Variants in ELFN1 observed in about 807,000 individuals in gnomAD.
The protein encoded by ELFN1 is extracellular leucine rich repeat and fibronectin type III domain containing 1, also known as protein ELFN1.
In ELFN1, 6 loss-of-function variants were observed where a neutral mutation model predicts 7.6. The ratio of observed to expected loss-of-function variants is 0.79; its 90% CI spans 0.43 to 1.56. ELFN1 has a LOEUF of 1.56. Ranked by LOEUF, ELFN1 falls within the 40% of genes most tolerant of loss-of-function variation. The pLI is 0.01. For missense variants in ELFN1, 1,169 were observed against 1,232.2 expected (o/e 0.95, Z 0.77); for synonymous variants, 657 against 588.1 (o/e 1.12, Z -1.70).
chr7:1,700,680 G>A (rs189303935), intron 2 of ELFN1, among the ~76,000 whole-genome samples: 2 of 152,172 alleles, frequency 1.3e-5, no homozygotes, highest in Admixed American at 6.5e-5. Context: ...AACAGTCGCC[G>A]GCTCTTTCCC....
At chr7:1,719,964 T>C (rs1184547747) in intron 3 of ELFN1, among the ~76,000 whole-genome samples, 7 of 114,988 alleles carry the variant, frequency 6.1e-5, no homozygotes, top group Non-Finnish European at 1.1e-4. Context: ...GGCACTCAGG[T>C]GGGGGCCTCC....
At chr7:1,671,523 G>A (rs899990192) in intron 1 of ELFN1, among the ~76,000 whole-genome samples, 23 of 152,324 alleles carry the variant, frequency 1.5e-4, no homozygotes, top group Middle Eastern at 3.4e-3. Flanking sequence ...TGGAGGGACC[G>A]GGAGCCAGGA....
In ELFN1 at chr7:1,727,797, G is replaced by A. The variant is rs796501169; in HGVS notation, c.-293-16507G>A. ...CTGATTTCTTATTTTTTGCATAGAT[G>A]GGGTCTTGCTTTGTTGCCCAGTCGG... On this transcript the variant is annotated intron_variant, in intron 3 of 3. Coordinates refer to ENST00000424383, the MANE Select transcript of ELFN1 (RefSeq NM_001128636.4). Among the ~76,000 whole-genome samples, 3 of 152,034 alleles carry A rather than the reference G, an allele frequency of 2.0e-5. No homozygotes were observed. The East Asian group carries it at 5.8e-4, about 29-fold the overall frequency.
rs191379206 is a variant in ELFN1, at chr7:1,695,703, G to A, written c.-456+7553G>A. Among the ~76,000 whole-genome samples the A allele has an allele frequency of 2.1e-3, 292 of 142,018 alleles. 1 individual carries two copies. Among genetic ancestry groups the A allele is most frequent in the African/African-American group, 7.2e-3 (269 of 37,476 alleles). 93.2% of individuals were successfully genotyped at this position (142,018 alleles called of 152,430 possible). On this transcript the variant is annotated intron_variant, in intron 2 of 3. Coordinates refer to ENST00000424383, the MANE Select transcript of ELFN1 (RefSeq NM_001128636.4). The surrounding 1 kb of genome is among the most constrained non-coding windows in gnomAD (Gnocchi z 5.1). ...GTGGAGGTTGCAGTGAGCCGAGATC[G>A]CGCCACTGCACTGCAGCCTGGGTGA...
upstream of ELFN1, among the ~76,000 whole-genome samples, chr7:1,669,758 C>A (rs1012084706): frequency 2.6e-5 from 4 of 152,206 alleles, no homozygotes; most frequent in East Asian, 7.7e-4. Context: ...CCCTGCCCTC[C>A]CGGATAAGGG....
intron 2 of ELFN1, among the ~76,000 whole-genome samples, chr7:1,702,563 G>A (rs1779451347): frequency 6.6e-6 from 1 of 151,054 alleles, no homozygotes; most frequent in Non-Finnish European, 1.5e-5. Flanking sequence ...AATGGATTGT[G>A]ATTTTGATTG....
intron 3 of ELFN1, among the ~76,000 whole-genome samples, chr7:1,719,146 C>G (rs935863353): frequency 1.3e-4 from 19 of 142,796 alleles, no homozygotes; most frequent in African/African-American, 4.9e-4. Context: ...ACCCAAGCCA[C>G]CAACAGGGCC....
rs1210277025 is a variant in ELFN1 at position 1,670,469 on chromosome 7, C to T, written c.-549+115C>T. Among the ~76,000 whole-genome samples, 1 of 151,696 alleles carries T rather than the reference C, an allele frequency of 6.6e-6. No individual in the cohort carries two copies. The highest frequency in any genetic ancestry group is 1.5e-5 in the Non-Finnish European group (1 of 67,854). On this transcript the variant is annotated intron_variant, in intron 1 of 3. Transcript: ENST00000424383. The surrounding 1 kb of genome is among the most constrained non-coding windows in gnomAD (Gnocchi z 6.4). ...CTCGAACCCCGGGCGTCCCCGAGTG[C>T]GCAGCGTGCGCCCCCAGCCCCTGCT...
intron 1 of ELFN1, among the ~76,000 whole-genome samples, chr7:1,677,303 C>A (rs1183539459): frequency 1.3e-5 from 2 of 152,178 alleles, no homozygotes; most frequent in Admixed American, 1.3e-4. Context: ...CATCTTGGCA[C>A]AGAACCCCTC....
chr7:1,724,761 G>A (rs1363584357), intron 3 of ELFN1, among the ~76,000 whole-genome samples: 2 of 152,162 alleles, frequency 1.3e-5, no homozygotes, highest in African/African-American at 2.4e-5. Flanking sequence ...ATTCTTCTCC[G>A]TGGATTCGCA....
chr7:1,706,984 A>G (rs1468606555), intron 2 of ELFN1, among the ~76,000 whole-genome samples: 2 of 152,202 alleles, frequency 1.3e-5, no homozygotes, highest in East Asian at 1.9e-4. Context: ...GCATGAGTTC[A>G]TGTGCATGTG....
At chr7:1,690,572 A>G (rs1035048322) in intron 2 of ELFN1, among the ~76,000 whole-genome samples, 2 of 146,314 alleles carry the variant, frequency 1.4e-5, no homozygotes, top group Non-Finnish European at 3.0e-5. Context: ...GTGAGTGTGA[A>G]TGGATGAATG....
intron 1 of ELFN1, among the ~76,000 whole-genome samples, chr7:1,678,184 G>A (rs1157227517): frequency 6.6e-6 from 1 of 152,102 alleles, no homozygotes; most frequent in Admixed American, 6.5e-5. Context: ...GTGTGCCACC[G>A]TGCTCCCACA....
At chr7:1,712,115 C>T (rs568222226) in intron 3 of ELFN1, among the ~76,000 whole-genome samples, 16 of 152,340 alleles carry the variant, frequency 1.1e-4, no homozygotes, top group African/African-American at 3.8e-4. Flanking sequence ...CCTTCCCTCT[C>T]TGTGTCTTTT....
intron 3 of ELFN1, among the ~76,000 whole-genome samples, chr7:1,733,566 C>A (rs116339625): frequency 6.6e-6 from 1 of 152,086 alleles, no homozygotes; most frequent in East Asian, 1.9e-4. Context: ...CTGAGCAAAC[C>A]GGGCTGGGCC....
Position 1,673,816 on chromosome 7 carries a change from C to T in ELFN1, c.-549+3462C>T, listed in dbSNP as rs1341879594. Reference sequence around the variant, plus strand: ...TTTTCCAGAAGGGTCCAGCATCGCCCGAGGTCACACAGCAAGTAAGCTGGA... The same window carrying T: ...TTTTCCAGAAGGGTCCAGCATCGCCTGAGGTCACACAGCAAGTAAGCTGGA... On this transcript the variant is annotated intron_variant, in intron 1 of 3. Transcript: ENST00000424383. The surrounding 1 kb of genome is among the most constrained non-coding windows in gnomAD (Gnocchi z 4.7). Among the ~76,000 whole-genome samples the T allele has an allele frequency of 2.0e-5, 3 of 152,198 alleles. No homozygotes were observed. The highest frequency in any genetic ancestry group is 4.4e-5 in the Non-Finnish European group (3 of 68,018).
intron 2 of ELFN1, among the ~76,000 whole-genome samples, chr7:1,707,137 A>G (rs1779550907): frequency 6.6e-6 from 1 of 152,258 alleles, no homozygotes. Flanking sequence ...TGCCCAGCAC[A>G]CGCATGTGAG....
intron 2 of ELFN1, among the ~76,000 whole-genome samples, chr7:1,702,131 A>G (rs906678985): frequency 2.3e-4 from 35 of 152,286 alleles, no homozygotes; most frequent in African/African-American, 8.4e-4. Context: ...TGATGGAAGA[A>G]GAGCCATCCT....
intron 3 of ELFN1, among the ~76,000 whole-genome samples, chr7:1,716,398 G>A (rs1779832506): frequency 6.6e-6 from 1 of 152,206 alleles, no homozygotes; most frequent in Non-Finnish European, 1.5e-5. Context: ...TGTGCCCGGC[G>A]AGCCATCTGG....
Sources: gnomAD v4.1 joint callset for allele counts (sites outside exome capture counted in the v4.1 genomes callset) on GRCh38, gnomAD v4.1.1 for gene constraint, Gnocchi (gnomAD v3.1) non-coding constraint, MANE v1.5 for transcripts, NCBI Gene and HGNC (gene_info 2026-07-23, HGNC 2026-07-21) for gene names.